Variants in CACNA1E observed in about 807,000 individuals in gnomAD.
CACNA1E encodes the protein calcium voltage-gated channel subunit alpha1 E.
CACNA1E carries 40 observed loss-of-function variants against 259.2 expected under a neutral mutation model. The observed-to-expected ratio is 0.15, with a 90% CI of 0.12 to 0.20. CACNA1E has a LOEUF of 0.20. Ranked by LOEUF, CACNA1E falls within the 10% of genes least tolerant of loss-of-function variation. The pLI is 1.00. For synonymous variants in CACNA1E, 1,104 were observed against 1,138.5 expected (o/e 0.97, Z 0.61); for missense variants, 1,874 against 3,040.1 (o/e 0.62, Z 9.02).
chr1:181,725,929 C>A, intron 17 of CACNA1E, 136 bp from the exon 18 acceptor site: 1 of 593,884 alleles, frequency 1.7e-6, no homozygotes, highest in Non-Finnish European at 3.0e-6. Context: ...CCTAACATCT[C>A]GCTGTCTTGT....
chr1:181,401,609 T>C (rs1657106532), intron 1 of CACNA1E, among the ~76,000 whole-genome samples: 1 of 152,170 alleles, frequency 6.6e-6, no homozygotes, highest in Admixed American at 6.5e-5. Context: ...AGTATGGTGC[T>C]TGGCTCAAAA....
chr1:181,662,367 A>G (rs1394909995), intron 7 of CACNA1E, among the ~76,000 whole-genome samples: 4 of 152,252 alleles, frequency 2.6e-5, no homozygotes, highest in African/African-American at 7.2e-5. Flanking sequence ...CCTTGGCTAG[A>G]AGCTAGCTGC....
At chr1:181,788,426 A>G (rs546279146) in intron 43 of CACNA1E, among the ~76,000 whole-genome samples, 3 of 152,348 alleles carry the variant, frequency 2.0e-5, no homozygotes, top group Admixed American at 2.0e-4. Flanking sequence ...AAAACCAGAC[A>G]TTAAACAGAG....
chr1:181,514,006 A>G (rs886880932), intron 3 of CACNA1E, among the ~76,000 whole-genome samples: 5 of 152,194 alleles, frequency 3.3e-5, no homozygotes, highest in Non-Finnish European at 7.3e-5. Flanking sequence ...TCTTCTCAGC[A>G]TGGACCGTTC....
At chr1:181,368,782 A>G (rs1440362411) in intron 1 of CACNA1E, among the ~76,000 whole-genome samples, 1 of 152,206 alleles carries the variant, frequency 6.6e-6, no homozygotes, top group Non-Finnish European at 1.5e-5. Flanking sequence ...ATTTATACTG[A>G]ATTTGTTTCT....
At chr1:181,438,749 A>G (rs542437441) in intron 2 of CACNA1E, among the ~76,000 whole-genome samples, 22 of 152,354 alleles carry the variant, frequency 1.4e-4, no homozygotes, top group Non-Finnish European at 2.8e-4. Context: ...CATAACTGGT[A>G]CGCTTATTTT....
chr1:181,712,015 A>G (rs1375006672), intron 8 of CACNA1E, among the ~76,000 whole-genome samples: 6 of 152,114 alleles, frequency 3.9e-5, no homozygotes, highest in Admixed American at 1.3e-4. Flanking sequence ...TCTAGGGAGG[A>G]GATAATGGTG....
intron 44 of CACNA1E, among the ~76,000 whole-genome samples, chr1:181,792,994 G>T (rs1281120067): frequency 6.6e-6 from 1 of 151,984 alleles, no homozygotes; most frequent in Non-Finnish European, 1.5e-5. Context: ...ATGTTGACAT[G>T]CTACTATTTG....
chr1:181,742,928 C>T (rs1257071798), intron 25 of CACNA1E, among the ~76,000 whole-genome samples: 14 of 152,022 alleles, frequency 9.2e-5, no homozygotes, highest in Admixed American at 9.2e-4. Context: ...GGGATTTTTT[C>T]ATTTGTTTAT....
intron 3 of CACNA1E, among the ~76,000 whole-genome samples, chr1:181,541,317 A>T (rs1668564400): frequency 6.6e-6 from 1 of 152,218 alleles, no homozygotes; most frequent in African/African-American, 2.4e-5. Context: ...ATCCAACATT[A>T]TATATGTTTA....
intron 7 of CACNA1E, among the ~76,000 whole-genome samples, chr1:181,679,874 T>G (rs1454032850): frequency 2.0e-5 from 3 of 152,064 alleles, no homozygotes; most frequent in Non-Finnish European, 4.4e-5. Flanking sequence ...ATTCCAGTGC[T>G]TTGGGAGGCT....
At chr1:181,665,161 A>G (rs1307867739) in intron 7 of CACNA1E, among the ~76,000 whole-genome samples, 2 of 150,376 alleles carry the variant, frequency 1.3e-5, no homozygotes, top group Admixed American at 1.3e-4. Context: ...ACCTATACAC[A>G]CACACACACA....
At chr1:181,634,693 C>A (rs1425293695) in intron 6 of CACNA1E, among the ~76,000 whole-genome samples, 1 of 152,122 alleles carries the variant, frequency 6.6e-6, no homozygotes, top group African/African-American at 2.4e-5. Flanking sequence ...CCTAGAAACT[C>A]CAGCAAAGGC....
In CACNA1E at chr1:181,713,895, G is replaced by A. The variant is rs115453803; in HGVS notation, c.1172-1443G>A. Among the ~76,000 whole-genome samples the A allele has an allele frequency of 6.5e-3, 983 of 152,318 alleles. 14 individuals are homozygous for A. The highest frequency in any genetic ancestry group is 0.023 in the African/African-American group (942 of 41,558). On this transcript the variant is annotated intron_variant, in intron 8 of 47. Transcript: ENST00000367573. ...TTCCCCTTCAGATGATGACACCTCA[G>A]TAGAGTATGGGACTGCTCCTGGGGA...
intron 3 of CACNA1E, among the ~76,000 whole-genome samples, chr1:181,571,161 A>T (rs1231535701): frequency 6.6e-6 from 1 of 152,176 alleles, no homozygotes; most frequent in Non-Finnish European, 1.5e-5. Context: ...GGAAGGCACT[A>T]TCTCCTTTTT....
At chr1:181,500,011 A>G (rs1213929570) in intron 1 of CACNA1E, among the ~76,000 whole-genome samples, 1 of 152,216 alleles carries the variant, frequency 6.6e-6, no homozygotes, top group Non-Finnish European at 1.5e-5. Context: ...TGACAAAGCC[A>G]TTCACCTGTG....
At chr1:181,753,629 G>A (rs6424821) in intron 27 of CACNA1E, among the ~76,000 whole-genome samples, 25,289 of 152,046 alleles carry the variant, frequency 0.17, 2,197 homozygotes, top group South Asian at 0.25. Context: ...AGCCTGCCAC[G>A]GAGGACACAG....
intron 2 of CACNA1E, among the ~76,000 whole-genome samples, chr1:181,434,534 A>G (rs1373390608): frequency 6.6e-6 from 1 of 152,162 alleles, no homozygotes; most frequent in Non-Finnish European, 1.5e-5. Flanking sequence ...TATCAATCAC[A>G]TACAACAAGA....
At chr1:181,686,290 T>G (rs920801362) in intron 7 of CACNA1E, among the ~76,000 whole-genome samples, 1 of 137,250 alleles carries the variant, frequency 7.3e-6, no homozygotes, top group Non-Finnish European at 1.6e-5. Context: ...TTTTTTTTTT[T>G]TTTTTTTTTT....
Sources: allele counts gnomAD v4.1 joint callset (sites outside exome capture counted in the v4.1 genomes callset), GRCh38; gene constraint gnomAD v4.1.1; transcripts MANE v1.5; gene names NCBI Gene and HGNC (gene_info 2026-07-23, HGNC 2026-07-21).